CD2AP: variants seen among roughly 807,000 people sequenced by gnomAD.
CD2AP encodes CD2-associated protein.
In CD2AP, 46 loss-of-function variants were observed where a neutral mutation model predicts 85.1. The observed-to-expected ratio is 0.54, with a 90% confidence interval of 0.43 to 0.69. The LOEUF (loss-of-function observed/expected upper bound fraction) is 0.69. Among genes scored for constraint, CD2AP ranks in the 30% least tolerant of loss-of-function variants. The probability of loss-of-function intolerance (pLI) is 0.00; values close to 1 mark genes in which losing one functional copy is unlikely to be tolerated. For synonymous variants in CD2AP, 255 were observed against 252.9 expected (o/e 1.01, Z -0.08); for missense variants, 769 against 729.5 (o/e 1.05, Z -0.62).
At position 47,612,461 on chromosome 6, in the gene CD2AP, C is replaced by T. The variant is rs893478427; in HGVS notation, c.1815-12C>T. ...TCGAAAGACTTAACAGTAATAAGTA[C>T]TTTGTTTTTAGGAAAGAACTGGAAA... On this transcript the variant is annotated splice_polypyrimidine_tract_variant and intron_variant, in intron 16 of 17. Coordinates refer to ENST00000359314, the MANE Select transcript of CD2AP (RefSeq NM_012120.3). 3 of 1,564,708 alleles carry T rather than the reference C, an allele frequency of 1.9e-6. No individual in the cohort carries two copies. The highest frequency in any genetic ancestry group is 2.7e-5 in the African/African-American group (2 of 73,814).
At chr6:47,487,905 T>C (rs1006798328) in intron 1 of CD2AP, among the ~76,000 whole-genome samples, 2 of 152,132 alleles carry the variant, frequency 1.3e-5, no homozygotes, top group African/African-American at 4.8e-5. Flanking sequence ...TTTGGAGTAA[T>C]TGGGTAGAGA....
chr6:47,514,393 A>T (rs1419618102), intron 2 of CD2AP, among the ~76,000 whole-genome samples: 1 of 152,222 alleles, frequency 6.6e-6, no homozygotes, highest in Non-Finnish European at 1.5e-5. Context: ...AACTTAGCAG[A>T]TATTACTACA....
chr6:47,622,698 C>T (rs1281810036), intron 17 of CD2AP, among the ~76,000 whole-genome samples: 1 of 152,138 alleles, frequency 6.6e-6, no homozygotes, highest in Non-Finnish European at 1.5e-5. Context: ...GGGGTGTTTC[C>T]CAGGTCCTGC....
chr6:47,565,205 A>G (rs377044656), intron 5 of CD2AP, among the ~76,000 whole-genome samples: 9 of 152,154 alleles, frequency 5.9e-5, no homozygotes, highest in African/African-American at 1.7e-4. Flanking sequence ...TGAATTAATC[A>G]TCTATTCTGT....
intron 16 of CD2AP, chr6:47,609,569 C>T (rs1424548335): frequency 1.7e-5 from 6 of 345,122 alleles, no homozygotes; most frequent in African/African-American, 2.2e-5. Flanking sequence ...CTTGGTGACA[C>T]ATCCCTGTGG....
intron 1 of CD2AP, among the ~76,000 whole-genome samples, chr6:47,497,338 T>G (rs2113974122): frequency 7.0e-6 from 1 of 142,460 alleles, no homozygotes; most frequent in Admixed American, 7.0e-5. Context: ...TTCCTTTCCC[T>G]TCCCTTCCCT....
rs772843395 is a variant in CD2AP at position 47,503,262 on chromosome 6, T to G, written c.5-18T>G. Reference sequence around the variant, plus strand: ...GTGAATTAGATTTTAGACATTTCGTTTTTTCCCCCTTTTTTAGTTGACTAT... The same window carrying G: ...GTGAATTAGATTTTAGACATTTCGTGTTTTCCCCCTTTTTTAGTTGACTAT... On this transcript the variant is annotated intron_variant, in intron 1 of 17. Transcript: ENST00000359314. The G allele has an allele frequency of 4.3e-6, 7 of 1,611,908 alleles. No homozygotes were observed. The South Asian group carries it at 6.6e-5, about 15-fold the overall frequency.
In CD2AP at chr6:47,606,240, G is replaced by A; in HGVS notation, c.1493G>A (p.Gly498Glu). 1.2e-6 allele frequency: 2 copies of A among 1,611,242 alleles called. No individual in the cohort carries two copies. The highest frequency in any genetic ancestry group is 1.7e-6 in the Non-Finnish European group (2 of 1,177,666). ...HLTANRPKMP[G>E]RRLPGRFNGG... is the part of the protein sequence containing the mutation. ...ACTGCAAATAGACCAAAGATGCCTG[G>A]AAGAAGGTTGCCGGGCCGTTTCAAT... The change falls in exon 14 of 18, where the codon GGA (glycine) becomes GAA (glutamate). Residue 498 changes from glycine (G) to glutamate (E), a missense_variant. Gly to Glu is a moderately conservative substitution (Grantham distance 98). Coordinates refer to ENST00000359314, the MANE Select transcript of CD2AP (RefSeq NM_012120.3).
chr6:47,618,686 A>G (rs978962033), intron 17 of CD2AP, among the ~76,000 whole-genome samples: 1 of 152,236 alleles, frequency 6.6e-6, no homozygotes, highest in Non-Finnish European at 1.5e-5. Context: ...ATAATGAGAC[A>G]TAAGAGGAAC....
At chr6:47,508,147 G>GT (rs1233951741) in intron 2 of CD2AP, among the ~76,000 whole-genome samples, 1 of 152,204 alleles carries the variant, frequency 6.6e-6, no homozygotes, top group African/African-American at 2.4e-5. Flanking sequence ...CCTGTCCTTT[G>GT]AAGCCTTGAA....
At chr6:47,567,972 A>T (rs999255157) in intron 5 of CD2AP, among the ~76,000 whole-genome samples, 2 of 152,176 alleles carry the variant, frequency 1.3e-5, no homozygotes, top group Admixed American at 1.3e-4. Flanking sequence ...GAATGTTTTG[A>T]TAATGAGGTA....
chr6:47,514,904 TAGCC>T (rs1328164600), intron 2 of CD2AP, among the ~76,000 whole-genome samples: 1 of 151,894 alleles, frequency 6.6e-6, no homozygotes, highest in Non-Finnish European at 1.5e-5. Flanking sequence ...GTACAAAAAT[TAGCC>T]AGGAGTGGTG....
In CD2AP at chr6:47,554,672, C is replaced by T. The variant is rs145518596; in HGVS notation, c.447C>T (p.Thr149=). 780 of 1,613,510 alleles carry T rather than the reference C, an allele frequency of 4.8e-4. 6 individuals carry two copies. In the African/African-American group the frequency reaches 8.9e-3, roughly 19 times the overall value. Residue 149 remains threonine (T), a synonymous_variant, in exon 5 of 18, where the codon ACC becomes ACT. Transcript: ENST00000359314. ...EEVEEGWWSG[T]LNNKLGLFPS... is the part of the protein sequence containing the mutation. Reference sequence around the variant, plus strand: ...TAGAAGAAGGCTGGTGGAGTGGAACCCTGAATAACAAGTTGGGACTGTTTC... The same window carrying T: ...TAGAAGAAGGCTGGTGGAGTGGAACTCTGAATAACAAGTTGGGACTGTTTC...
At chr6:47,536,334 C>T (rs893634262) in intron 3 of CD2AP, among the ~76,000 whole-genome samples, 1 of 151,508 alleles carries the variant, frequency 6.6e-6, no homozygotes, top group African/African-American at 2.4e-5. Context: ...TACAACTAAC[C>T]AGTACTATTA....
intron 4 of CD2AP, chr6:47,545,120 T>C: frequency 5.6e-6 from 1 of 177,634 alleles, no homozygotes; most frequent in Non-Finnish European, 1.2e-5. Context: ...TATCTTAGAA[T>C]GGGATTTTAA....
chr6:47,478,524 G>T (rs1582456020), intron 1 of CD2AP, among the ~76,000 whole-genome samples: 1 of 152,098 alleles, frequency 6.6e-6, no homozygotes, highest in South Asian at 2.1e-4. Flanking sequence ...GGGCGGGGGC[G>T]CCTGGCCACC....
intron 3 of CD2AP, among the ~76,000 whole-genome samples, chr6:47,539,137 A>G (rs968818163): frequency 6.6e-6 from 1 of 152,228 alleles, no homozygotes; most frequent in African/African-American, 2.4e-5. Flanking sequence ...TCAAGTTACT[A>G]TAAAATAGAG....
At chr6:47,517,915 T>C (rs1208129946) in intron 2 of CD2AP, among the ~76,000 whole-genome samples, 2 of 152,204 alleles carry the variant, frequency 1.3e-5, no homozygotes, top group Admixed American at 1.3e-4. Flanking sequence ...TCTAGTAGAC[T>C]TCGCTTACTA....
chr6:47,516,194 T>C (rs1045972449), intron 2 of CD2AP, among the ~76,000 whole-genome samples: 3 of 152,086 alleles, frequency 2.0e-5, no homozygotes, highest in African/African-American at 7.3e-5. Context: ...ACTACATCCT[T>C]TCATGCAAAG....
Sources: allele counts gnomAD v4.1 joint callset (sites outside exome capture counted in the v4.1 genomes callset), GRCh38; gene constraint gnomAD v4.1.1; transcripts MANE v1.5; gene names NCBI Gene and HGNC (gene_info 2026-07-23, HGNC 2026-07-21).